ZFHX3: variants seen among roughly 807,000 people sequenced by gnomAD.
The protein encoded by ZFHX3 is zinc finger homeobox protein 3.
A neutral mutation model predicts 279.1 loss-of-function variants in ZFHX3; 42 were observed. The observed-to-expected ratio is 0.15, with a 90% CI of 0.12 to 0.19. The LOEUF is 0.19. Ranked by LOEUF, ZFHX3 falls within the 10% of genes least tolerant of loss-of-function variation. ZFHX3 has a pLI of 1.00. For synonymous variants in ZFHX3, 2,293 were observed against 1,957.8 expected, an observed-to-expected ratio of 1.17 and a Z score of -4.52; for missense variants, 4,981 against 4,754.0, an observed-to-expected ratio of 1.05 and a Z score of -1.40.
chr16:73,102,356 G>T (rs1966242566), intron 7 of ZFHX3, among the ~76,000 whole-genome samples: 1 of 152,180 alleles, frequency 6.6e-6, no homozygotes, highest in African/African-American at 2.4e-5. Context: ...TGTCCACTTT[G>T]TGAAATACAT....
At chr16:73,844,355 A>G (rs1961389639) in intron 1 of ZFHX3, among the ~76,000 whole-genome samples, 1 of 152,202 alleles carries the variant, frequency 6.6e-6, no homozygotes, top group Non-Finnish European at 1.5e-5. Context: ...GGGTTTGACA[A>G]AAGTCCCAAA....
At chr16:73,109,636 G>A (rs1264229269) in intron 7 of ZFHX3, among the ~76,000 whole-genome samples, 1 of 152,160 alleles carries the variant, frequency 6.6e-6, no homozygotes, top group Non-Finnish European at 1.5e-5. Context: ...ATTGCTTGAG[G>A]CCAGCAGTTC....
intron 1 of ZFHX3, among the ~76,000 whole-genome samples, chr16:72,964,938 TG>T (rs1175453033): frequency 6.6e-6 from 1 of 152,054 alleles, no homozygotes; most frequent in African/African-American, 2.4e-5. Flanking sequence ...AGTGCAGTGG[TG>T]CGATCTCAGC....
intron 1 of ZFHX3, among the ~76,000 whole-genome samples, chr16:73,858,099 A>C (rs1370880532): frequency 6.6e-6 from 1 of 151,882 alleles, no homozygotes; most frequent in Non-Finnish European, 1.5e-5. Context: ...CTGTCTCAAA[A>C]AAAAAAAAAG....
At chr16:72,862,642 T>A (rs975983513) in intron 4 of ZFHX3, among the ~76,000 whole-genome samples, 5 of 152,142 alleles carry the variant, frequency 3.3e-5, no homozygotes, top group Non-Finnish European at 7.3e-5. Context: ...GAAGCAGCCA[T>A]GGAGAAAAAG....
At chr16:73,090,388 C>T (rs1274401817) in intron 8 of ZFHX3, among the ~76,000 whole-genome samples, 3 of 152,140 alleles carry the variant, frequency 2.0e-5, no homozygotes, top group South Asian at 4.1e-4. Context: ...GACCCTGTCT[C>T]AAATTAAGTA....
At chr16:73,636,627 CA>C (rs985490237) in intron 2 of ZFHX3, among the ~76,000 whole-genome samples, 8 of 150,346 alleles carry the variant, frequency 5.3e-5, no homozygotes, top group Admixed American at 3.3e-4. Context: ...ATAACCAGTT[CA>C]AAAAAAAATC....
chr16:73,642,986 A>T (rs2052587286), intron 2 of ZFHX3, among the ~76,000 whole-genome samples: 1 of 152,218 alleles, frequency 6.6e-6, no homozygotes, highest in Admixed American at 6.5e-5. Context: ...AGCCAACAAT[A>T]GAATTTGAAG....
chr16:73,417,044 G>T (rs2017602253), intron 3 of ZFHX3, among the ~76,000 whole-genome samples: 1 of 152,002 alleles, frequency 6.6e-6, no homozygotes, highest in Non-Finnish European at 1.5e-5. Context: ...AAGCCAAACT[G>T]ACATCACGCA....
intron 1 of ZFHX3, among the ~76,000 whole-genome samples, chr16:73,011,787 C>G (rs541097827): frequency 2.1e-4 from 32 of 151,792 alleles, no homozygotes; most frequent in African/African-American, 5.6e-4. Context: ...TCCCCTCCCC[C>G]CAAAATACTG....
Position 73,785,138 on chromosome 16 carries a change from T to G in ZFHX3, c.-1607-104898A>C, listed in dbSNP as rs546251134. 5.9e-5 allele frequency among the ~76,000 whole-genome samples: 9 copies of G among 152,356 alleles called. No homozygotes were observed. In the South Asian group the frequency reaches 1.9e-3, roughly 32 times the overall value. On this transcript the variant is annotated intron_variant, in intron 1 of 17. Coordinates refer to the ZFHX3 transcript ENST00000641206. ...CACACATAACATTCTCATTATATAG[T>G]TATGTAACAGTTTTTAGTTACAATA... is the stretch of plus-strand genomic sequence containing the variant.
intron 4 of ZFHX3, among the ~76,000 whole-genome samples, chr16:73,308,266 TATATA>T (rs2015237659): frequency 3.9e-4 from 10 of 25,916 alleles, no homozygotes; most frequent in South Asian, 1.8e-3. Flanking sequence ...TATATATATA[TATATA>T]TATATATTTA....
chr16:73,510,391 A>AC (rs746628988), intron 2 of ZFHX3, among the ~76,000 whole-genome samples: 8 of 152,062 alleles, frequency 5.3e-5, no homozygotes, highest in Non-Finnish European at 1.0e-4. Context: ...GAGTGCCCCA[A>AC]CCCTAATGCC....
At chr16:73,699,474 A>G (rs2053227619) in intron 1 of ZFHX3, among the ~76,000 whole-genome samples, 1 of 152,186 alleles carries the variant, frequency 6.6e-6, no homozygotes. Context: ...AGCTTTTCAT[A>G]TAGGGCAAAA....
chr16:73,630,440 G>T lies in ZFHX3; in HGVS notation c.-1547+49740C>A, dbSNP rs909266993. On this transcript the variant is annotated intron_variant, in intron 2 of 17. Transcript: ENST00000641206. ...TCATATGTCAACTTCACCTTGCTAT[G>T]GAGCAGCTTAAGACAATTTTACACT... Among the ~76,000 whole-genome samples the T allele has an allele frequency of 2.0e-5, 3 of 152,166 alleles. No individual in the cohort carries two copies. In the East Asian group the frequency reaches 5.8e-4, roughly 29 times the overall value.
At chr16:73,644,807 G>A (rs911131182) in intron 2 of ZFHX3, among the ~76,000 whole-genome samples, 1 of 152,108 alleles carries the variant, frequency 6.6e-6, no homozygotes, top group East Asian at 1.9e-4. Flanking sequence ...TTTTCTGTGT[G>A]TTCTGCGGCA....
At chr16:73,716,635 AC>A (rs2053417433) in intron 1 of ZFHX3, among the ~76,000 whole-genome samples, 3 of 145,070 alleles carry the variant, frequency 2.1e-5, no homozygotes, top group Non-Finnish European at 3.1e-5. Flanking sequence ...ACACACACAC[AC>A]ACACACACAC....
chr16:73,291,071 A>G lies in ZFHX3; in HGVS notation c.-1194+27169T>C, dbSNP rs141170222. 3.4e-3 allele frequency among the ~76,000 whole-genome samples: 511 copies of G among 152,346 alleles called. 2 individuals are homozygous for G. The highest frequency in any genetic ancestry group is 0.027 in the Middle Eastern group (8 of 294). On this transcript the variant is annotated intron_variant, in intron 4 of 17. Coordinates refer to the ZFHX3 transcript ENST00000641206. ...AATCAAGTTGACCTCGCCTGCCACA[A>G]CAAACCCAATCCAACTAAACCCCAC...
intron 3 of ZFHX3, among the ~76,000 whole-genome samples, chr16:72,906,572 G>A (rs750415807): frequency 1.9e-4 from 29 of 152,158 alleles, no homozygotes; most frequent in African/African-American, 5.5e-4. Flanking sequence ...CGAGGCAGGC[G>A]GATCACCTGA....
Sources: allele counts gnomAD v4.1 joint callset (sites outside exome capture counted in the v4.1 genomes callset), GRCh38; gene constraint gnomAD v4.1.1; transcripts MANE v1.5; gene names NCBI Gene and HGNC (gene_info 2026-07-23, HGNC 2026-07-21).